The following RUNX1T1 variants were observed in gnomAD, a reference collection of about 807,000 sequenced individuals.
The protein encoded by RUNX1T1 is RUNX1 partner transcriptional co-repressor 1.
A neutral mutation model predicts 62.8 loss-of-function variants in RUNX1T1; 4 were observed. The observed-to-expected ratio is 0.06, with a 90% CI of 0.03 to 0.15. The LOEUF (loss-of-function observed/expected upper bound fraction) is 0.15. RUNX1T1 is among the 10% of genes least tolerant of loss of function. The pLI, the probability that RUNX1T1 is intolerant of heterozygous loss-of-function variation, is 1.00. For synonymous variants in RUNX1T1, 291 were observed against 286.0 expected (o/e 1.02, Z -0.18); for missense variants, 508 against 754.3 (o/e 0.67, Z 3.82).
chr8:91,982,268 G>A (rs1359691881), intron 8 of RUNX1T1, among the ~76,000 whole-genome samples: 1 of 148,710 alleles, frequency 6.7e-6, no homozygotes, highest in African/African-American at 2.5e-5. Context: ...TAACCCTAAC[G>A]ATGTGGAAGA....
At chr8:91,977,284 C>G (rs1483419698) in intron 8 of RUNX1T1, 1 of 193,164 alleles carries the variant, frequency 5.2e-6, no homozygotes, top group Non-Finnish European at 1.1e-5. Context: ...TAAAATTATT[C>G]CAAATATTTA....
intron 9 of RUNX1T1, 50 bp downstream of exon 10, chr8:91,975,854 AC>A (rs1813812562): frequency 8.1e-7 from 1 of 1,232,414 alleles, no homozygotes; most frequent in South Asian, 1.2e-5. Context: ...TACATTAACA[AC>A]TGCACACAGC....
At chr8:92,029,241 G>C (rs2131294869) in intron 1 of RUNX1T1, among the ~76,000 whole-genome samples, 1 of 152,254 alleles carries the variant, frequency 6.6e-6, no homozygotes, top group Admixed American at 6.5e-5. Flanking sequence ...CAATGAAAAG[G>C]CACTGAGATT....
intron 1 of RUNX1T1, among the ~76,000 whole-genome samples, chr8:92,077,674 C>G: frequency 6.6e-6 from 1 of 152,000 alleles, no homozygotes; most frequent in East Asian, 1.9e-4. Flanking sequence ...CAGCAACCAT[C>G]AACAAAGGCC....
chr8:91,992,905 G>A (rs1353407554), intron 5 of RUNX1T1, among the ~76,000 whole-genome samples: 2 of 152,310 alleles, frequency 1.3e-5, no homozygotes, highest in South Asian at 4.1e-4. Flanking sequence ...GAGTAAAGCA[G>A]TAATTTCTGG....
intron 10 of RUNX1T1, among the ~76,000 whole-genome samples, chr8:91,964,248 T>A (rs1400622581): frequency 6.6e-6 from 1 of 152,232 alleles, no homozygotes; most frequent in Admixed American, 6.5e-5. Context: ...ATGATCTTTC[T>A]GTCGTACAGG....
intron 1 of RUNX1T1, among the ~76,000 whole-genome samples, chr8:92,031,988 G>A (rs1826319680): frequency 6.6e-6 from 1 of 151,152 alleles, no homozygotes; most frequent in Non-Finnish European, 1.5e-5. Flanking sequence ...AGCTACCTGG[G>A]AGGCTGAGGC....
chr8:92,088,993 G>A (rs576022359), intron 1 of RUNX1T1, among the ~76,000 whole-genome samples: 2 of 152,254 alleles, frequency 1.3e-5, no homozygotes, highest in East Asian at 3.9e-4. Flanking sequence ...GAATACCAAT[G>A]CAAAAATTTT....
At chr8:92,033,681 A>G (rs1826680784) in intron 1 of RUNX1T1, among the ~76,000 whole-genome samples, 2 of 152,144 alleles carry the variant, frequency 1.3e-5, no homozygotes, top group African/African-American at 4.8e-5. Flanking sequence ...ACAAAAATTA[A>G]AATTTTTTGG....
intron 1 of RUNX1T1, among the ~76,000 whole-genome samples, chr8:92,026,585 G>C (rs886920211): frequency 1.3e-5 from 2 of 152,214 alleles, no homozygotes; most frequent in Non-Finnish European, 2.9e-5. Flanking sequence ...ACTTTGGGAG[G>C]CTGAGGCAGG....
chr8:92,050,895 A>G (rs1830130287), intron 1 of RUNX1T1, among the ~76,000 whole-genome samples: 1 of 152,068 alleles, frequency 6.6e-6, no homozygotes, highest in Non-Finnish European at 1.5e-5. Context: ...AGCTACCCTG[A>G]CCTTTGAAAA....
At chr8:92,056,316 A>C (rs574593808) in intron 1 of RUNX1T1, among the ~76,000 whole-genome samples, 1 of 152,326 alleles carries the variant, frequency 6.6e-6, no homozygotes, top group Non-Finnish European at 1.5e-5. Flanking sequence ...TAAACACATG[A>C]TAAAGACACC....
intron 1 of RUNX1T1, among the ~76,000 whole-genome samples, chr8:92,086,410 C>CA (rs1160996037): frequency 1.3e-5 from 2 of 152,184 alleles, no homozygotes; most frequent in African/African-American, 2.4e-5. Flanking sequence ...AGGGCACCTG[C>CA]AAAAGAGAAA....
At chr8:92,053,959 G>A (rs888636508) in intron 1 of RUNX1T1, among the ~76,000 whole-genome samples, 21 of 151,978 alleles carry the variant, frequency 1.4e-4, no homozygotes, top group Admixed American at 1.2e-3. Flanking sequence ...TGTATCTTGG[G>A]ATAACACAGA....
intron 8 of RUNX1T1, among the ~76,000 whole-genome samples, chr8:91,985,141 T>C (rs895495724): frequency 5.9e-5 from 9 of 152,162 alleles, no homozygotes. Flanking sequence ...TTTTGCAGCA[T>C]GGACAGTAAC....
chr8:92,082,735 C>T (rs1295241965), intron 1 of RUNX1T1, among the ~76,000 whole-genome samples: 1 of 152,172 alleles, frequency 6.6e-6, no homozygotes, highest in Non-Finnish European at 1.5e-5. Context: ...GGTTCTGAAG[C>T]TGATTCATCA....
intron 1 of RUNX1T1, among the ~76,000 whole-genome samples, chr8:92,028,548 G>A (rs952405012): frequency 1.2e-4 from 19 of 152,230 alleles, no homozygotes; most frequent in African/African-American, 3.9e-4. Flanking sequence ...CTTCAAATAG[G>A]TGAAGTCAAT....
intron 1 of RUNX1T1, among the ~76,000 whole-genome samples, chr8:92,077,041 A>AT (rs1243932142): frequency 1.3e-5 from 2 of 152,078 alleles, no homozygotes; most frequent in African/African-American, 4.8e-5. Flanking sequence ...TGTAGCTATT[A>AT]TTTTTTGAGA....
chr8:91,969,844 A>G (rs1311123446), intron 10 of RUNX1T1, among the ~76,000 whole-genome samples: 1 of 152,140 alleles, frequency 6.6e-6, no homozygotes, highest in African/African-American at 2.4e-5. Context: ...GCTTGGTGAG[A>G]GCAGCCCATT....
Sources: gnomAD v4.1 joint callset for allele counts (sites outside exome capture counted in the v4.1 genomes callset) on GRCh38, gnomAD v4.1.1 for gene constraint, MANE v1.5 for transcripts, NCBI Gene and HGNC (gene_info 2026-07-23, HGNC 2026-07-21) for gene names.